Variants in GKAP1 observed in about 807,000 individuals in gnomAD.
GKAP1 encodes the protein G kinase anchoring protein 1.
GKAP1 carries 31 observed loss-of-function variants against 56.7 expected under a neutral mutation model. The ratio of observed to expected loss-of-function variants is 0.55; its 90% CI spans 0.41 to 0.74. The LOEUF (loss-of-function observed/expected upper bound fraction) is 0.74. GKAP1 is among the 30% of genes least tolerant of loss of function. GKAP1 has a pLI of 0.00. For missense variants in GKAP1, 364 were observed against 402.3 expected (o/e 0.90, Z 0.82); for synonymous variants, 151 against 138.6 (o/e 1.09, Z -0.63).
intron 8 of GKAP1, among the ~76,000 whole-genome samples, chr9:83,763,850 G>A (rs1429289996): frequency 6.6e-6 from 1 of 152,066 alleles, no homozygotes; most frequent in African/African-American, 2.4e-5. Flanking sequence ...TGTAATAATC[G>A]ATAAAACTGT....
At chr9:83,744,606 T>G (rs915238615) in intron 10 of GKAP1, among the ~76,000 whole-genome samples, 1 of 152,244 alleles carries the variant, frequency 6.6e-6, no homozygotes, top group African/African-American at 2.4e-5. Flanking sequence ...TAGTTTCCCA[T>G]CTTTTTTTCA....
At chr9:83,777,432 A>G (rs990402605) in intron 7 of GKAP1, among the ~76,000 whole-genome samples, 7 of 152,198 alleles carry the variant, frequency 4.6e-5, no homozygotes, top group Admixed American at 2.0e-4. Flanking sequence ...CTAAGAATCA[A>G]ATAAAACTCC....
At chr9:83,762,909 C>G (rs1406056109) in intron 8 of GKAP1, among the ~76,000 whole-genome samples, 2 of 152,074 alleles carry the variant, frequency 1.3e-5, no homozygotes, top group Admixed American at 6.6e-5. Flanking sequence ...AAAACTGGAG[C>G]TACCACATGA....
chr9:83,757,825 A>T (rs1432244208), intron 8 of GKAP1, among the ~76,000 whole-genome samples: 3 of 152,100 alleles, frequency 2.0e-5, no homozygotes, highest in Non-Finnish European at 2.9e-5. Context: ...AACTCTAAAA[A>T]TCTTGAAAAA....
intron 4 of GKAP1, among the ~76,000 whole-genome samples, chr9:83,792,378 A>G (rs961316231): frequency 6.6e-6 from 1 of 152,240 alleles, no homozygotes; most frequent in African/African-American, 2.4e-5. Context: ...ATATTAAATA[A>G]AAGTAATTTT....
At chr9:83,804,553 G>A (rs1165044613) in intron 3 of GKAP1, among the ~76,000 whole-genome samples, 9 of 98,234 alleles carry the variant, frequency 9.2e-5, no homozygotes, top group African/African-American at 3.1e-4. Flanking sequence ...CCAGCCAGAC[G>A]CCCCGTCCGG....
At chr9:83,815,549 GACC>G (rs1285986359) in intron 2 of GKAP1, among the ~76,000 whole-genome samples, 1 of 151,390 alleles carries the variant, frequency 6.6e-6, no homozygotes. Context: ...CAGTCCAGAA[GACC>G]ACAATTAGGG....
At chr9:83,740,286 A>G (rs1281508296) in intron 12 of GKAP1, among the ~76,000 whole-genome samples, 2 of 152,150 alleles carry the variant, frequency 1.3e-5, no homozygotes, top group Non-Finnish European at 2.9e-5. Flanking sequence ...CATATGAAAC[A>G]TCATTTGTGG....
At chr9:83,803,782 G>C (rs1484304305) in intron 3 of GKAP1, among the ~76,000 whole-genome samples, 7 of 149,760 alleles carry the variant, frequency 4.7e-5, no homozygotes, top group Non-Finnish European at 1.0e-4. Flanking sequence ...GTCTCTGCCC[G>C]GCCGCCATCC....
chr9:83,796,736 G>C (rs1564209992), intron 4 of GKAP1, among the ~76,000 whole-genome samples: 1 of 151,964 alleles, frequency 6.6e-6, no homozygotes, highest in South Asian at 2.1e-4. Context: ...CAAAGTGCTG[G>C]GATTACAGGT....
intron 3 of GKAP1, among the ~76,000 whole-genome samples, chr9:83,800,670 G>A (rs985769249): frequency 5.3e-5 from 8 of 152,136 alleles, no homozygotes; most frequent in Non-Finnish European, 1.2e-4. Flanking sequence ...AGTTCAACTT[G>A]AAAGTTTCTC....
chr9:83,741,360 T>TCA (rs35325635), intron 12 of GKAP1, among the ~76,000 whole-genome samples: 8,633 of 48,522 alleles, frequency 0.18, 253 homozygotes, highest in Non-Finnish European at 0.23. Flanking sequence ...AATATATCTC[T>TCA]CACACACACA....
At chr9:83,801,661 G>A (rs970874761) in intron 3 of GKAP1, among the ~76,000 whole-genome samples, 1 of 152,188 alleles carries the variant, frequency 6.6e-6, no homozygotes, top group Admixed American at 6.5e-5. Flanking sequence ...AAGGCTTATA[G>A]AACTGCAAAT....
intron 12 of GKAP1, among the ~76,000 whole-genome samples, chr9:83,740,779 G>C (rs374724492): frequency 5.3e-5 from 8 of 152,114 alleles, no homozygotes; most frequent in Middle Eastern, 3.2e-3. Context: ...GGTTGTATCA[G>C]GGGCATATGG....
intron 4 of GKAP1, among the ~76,000 whole-genome samples, chr9:83,790,534 G>A (rs1369822186): frequency 6.6e-6 from 1 of 152,128 alleles, no homozygotes; most frequent in African/African-American, 2.4e-5. Context: ...TATAATCCCA[G>A]CACTTTAGGA....
At chr9:83,777,502 C>A (rs1943883917) in intron 7 of GKAP1, among the ~76,000 whole-genome samples, 1 of 151,980 alleles carries the variant, frequency 6.6e-6, no homozygotes, top group Admixed American at 6.6e-5. Flanking sequence ...CTACTCTAGA[C>A]AGAAGAAAAA....
chr9:83,766,572 A>G (rs552290928), intron 8 of GKAP1, among the ~76,000 whole-genome samples: 1 of 152,358 alleles, frequency 6.6e-6, no homozygotes, highest in African/African-American at 2.4e-5. Flanking sequence ...CCTGTATACC[A>G]TATAACACAA....
At chr9:83,753,659 T>C (rs929850086) in intron 8 of GKAP1, among the ~76,000 whole-genome samples, 2 of 152,190 alleles carry the variant, frequency 1.3e-5, no homozygotes, top group Admixed American at 1.3e-4. Flanking sequence ...GTTATTAGTC[T>C]ATCTTAAAAA....
At chr9:83,780,317 A>G (rs1943948359) in intron 7 of GKAP1, 65 bp downstream of exon 7, 4 of 924,232 alleles carry the variant, frequency 4.3e-6, no homozygotes, top group Non-Finnish European at 6.7e-6. Flanking sequence ...ACTTACTGCT[A>G]AGTATTTAAG....
Sources: allele counts gnomAD v4.1 joint callset (sites outside exome capture counted in the v4.1 genomes callset), GRCh38; gene constraint gnomAD v4.1.1; transcripts MANE v1.5; gene names NCBI Gene and HGNC (gene_info 2026-07-23, HGNC 2026-07-21).